ADGRE1: variants seen among roughly 807,000 people sequenced by gnomAD.
The protein encoded by ADGRE1 is EGF-like module receptor 1.
A neutral mutation model predicts 102.7 loss-of-function variants in ADGRE1; 82 were observed. The ratio of observed to expected loss-of-function variants is 0.80; its 90% CI spans 0.67 to 0.96. ADGRE1 has a LOEUF of 0.96. Ranked by LOEUF, ADGRE1 falls within the 40% of genes least tolerant of loss-of-function variation. The pLI is 0.00. For synonymous variants in ADGRE1, 398 were observed against 399.6 expected (o/e 1.00, Z 0.05); for missense variants, 1,032 against 1,085.3 (o/e 0.95, Z 0.69).
At chr19:6,924,642 C>T (rs1279021822) in intron 14 of ADGRE1, 36 bp from the exon 15 acceptor site, 21 of 1,588,518 alleles carry the variant, frequency 1.3e-5, no homozygotes, top group East Asian at 2.2e-5. Flanking sequence ...ATTTTGATCC[C>T]ATTCTCAGGC....
intron 9 of ADGRE1, 63 bp downstream of exon 9, chr19:6,906,584 T>C: frequency 6.7e-7 from 1 of 1,491,912 alleles, no homozygotes; most frequent in African/African-American, 1.4e-5. Flanking sequence ...GGTAGAATGT[T>C]GTTTTTGCAG....
At chr19:6,912,485 C>T (rs553920177) in intron 10 of ADGRE1, among the ~76,000 whole-genome samples, 1 of 152,282 alleles carries the variant, frequency 6.6e-6, no homozygotes, top group South Asian at 2.1e-4. Context: ...AGAGCAATAC[C>T]TGGCTCGTAA....
rs540733266 is a variant in ADGRE1, at chr19:6,903,026, G to A, written c.662-784G>A. Among the ~76,000 whole-genome samples the A allele has an allele frequency of 9.2e-5, 14 of 152,388 alleles. 1 individual carries two copies. The South Asian group carries it at 2.9e-3, about 32-fold the overall frequency. On this transcript the variant is annotated intron_variant, in intron 6 of 20. Transcript: ENST00000312053. ...AGAAAACAGCTTTATTGAAGAGGCAGTGTTGCAGTTCTGTAAGTGTTACAG... is the reference window on the plus strand; with the variant it reads ...AGAAAACAGCTTTATTGAAGAGGCAATGTTGCAGTTCTGTAAGTGTTACAG...
chr19:6,932,095 C>T (rs1027956544), intron 17 of ADGRE1, among the ~76,000 whole-genome samples: 1 of 152,170 alleles, frequency 6.6e-6, no homozygotes, highest in Non-Finnish European at 1.5e-5. Flanking sequence ...GTTGGATGGG[C>T]AAGCCCTAGG....
chr19:6,916,152 C>T, intron 11 of ADGRE1, 97 bp from the exon 12 acceptor site: 1 of 1,380,030 alleles, frequency 7.2e-7, no homozygotes, highest in Non-Finnish European at 9.9e-7. Flanking sequence ...TTTTCCTTTG[C>T]TCGCCATGAT....
chr19:6,895,729 C>G (rs141109514), intron 2 of ADGRE1: 1 of 152,198 alleles, frequency 6.6e-6, no homozygotes, highest in Non-Finnish European at 1.5e-5. Context: ...CACACATCAC[C>G]TGGGATCTTG....
intron 2 of ADGRE1, among the ~76,000 whole-genome samples, chr19:6,894,346 T>G (rs146293372): frequency 2.0e-4 from 31 of 152,192 alleles, no homozygotes; most frequent in Non-Finnish European, 4.1e-4. Flanking sequence ...AAGGTGGCCA[T>G]GAAGGAGCAA....
At chr19:6,930,805 T>C (rs1975107806) in intron 17 of ADGRE1, among the ~76,000 whole-genome samples, 1 of 151,922 alleles carries the variant, frequency 6.6e-6, no homozygotes, top group African/African-American at 2.4e-5. Flanking sequence ...GCCCAGCTAA[T>C]TTTTTGTATT....
chr19:6,895,320 G>T (rs1973511194), intron 2 of ADGRE1: 1 of 152,258 alleles, frequency 6.6e-6, no homozygotes, highest in African/African-American at 2.4e-5. Flanking sequence ...ACAGCTAGCT[G>T]CAAGAGAAGC....
In ADGRE1 at chr19:6,921,752, A is replaced by T; in HGVS notation, c.1660A>T (p.Ser554Cys). The part of the protein sequence containing the change: ...KFERPICVSW[S>C]TDVKGGRWTS... Reference sequence around the variant, plus strand: ...TGAGAGGCCCATCTGTGTTTCCTGGAGCACTGATGTGAAGGGTGGAAGATG... The same window carrying T: ...TGAGAGGCCCATCTGTGTTTCCTGGTGCACTGATGTGAAGGGTGGAAGATG... Residue 554 changes from serine (S) to cysteine (C), a missense_variant, in exon 14 of 21, where the codon AGC (serine) becomes TGC (cysteine). Coordinates refer to ENST00000312053, the MANE Select transcript of ADGRE1 (RefSeq NM_001974.5). The T allele has an allele frequency of 6.2e-7, 1 of 1,613,404 alleles. No homozygotes were observed. Among genetic ancestry groups the T allele is most frequent in the Middle Eastern group, 1.7e-4 (1 of 6,058 alleles).
intron 14 of ADGRE1, among the ~76,000 whole-genome samples, chr19:6,922,410 T>C (rs1599753413): frequency 6.6e-6 from 1 of 151,330 alleles, no homozygotes; most frequent in East Asian, 2.0e-4. Flanking sequence ...GGTCAAGAGA[T>C]CGAGACCATC....
At chr19:6,925,094 G>A (rs557490157) in intron 15 of ADGRE1, among the ~76,000 whole-genome samples, 2 of 152,074 alleles carry the variant, frequency 1.3e-5, no homozygotes, top group Non-Finnish European at 2.9e-5. Flanking sequence ...GAATTATAGT[G>A]GTTCCTCCTA....
chr19:6,925,757 A>G (rs1290436700), intron 15 of ADGRE1, among the ~76,000 whole-genome samples: 2 of 151,752 alleles, frequency 1.3e-5, no homozygotes, highest in African/African-American at 4.8e-5. Flanking sequence ...GCTAGAGTGC[A>G]GTGGCCGAAT....
intron 6 of ADGRE1, 81 bp downstream of exon 6, chr19:6,902,102 T>G: frequency 3.2e-6 from 5 of 1,540,906 alleles, no homozygotes; most frequent in South Asian, 1.2e-5. Context: ...TGGGTCTTGG[T>G]TGAGTTTGAG....
intron 6 of ADGRE1, among the ~76,000 whole-genome samples, chr19:6,903,230 T>A (rs1973834220): frequency 6.6e-6 from 1 of 152,156 alleles, no homozygotes; most frequent in South Asian, 2.1e-4. Context: ...GGGCAGTAAC[T>A]CCCCAATATT....
At chr19:6,920,914 T>C (rs1176088097) in intron 13 of ADGRE1, among the ~76,000 whole-genome samples, 2 of 152,194 alleles carry the variant, frequency 1.3e-5, no homozygotes, top group Non-Finnish European at 2.9e-5. Flanking sequence ...CTATGATCTC[T>C]TTTTGGGGGA....
rs1478271221 is a variant in ADGRE1 at position 6,904,303 on chromosome 19, CT to C, written c.949+126del. ...GTTGCCTCATCCACATATTCTGTTT[CT>C]TTTTCTTCTTCATCCATTTACTCTT... On this transcript the variant is annotated intron_variant, in intron 8 of 20. Coordinates refer to ENST00000312053, the MANE Select transcript of ADGRE1 (RefSeq NM_001974.5). 5.5e-6 allele frequency: 7 copies of C among 1,263,276 alleles called. No individual in the cohort carries two copies. The African/African-American group carries it at 1.1e-4, about 19-fold the overall frequency. The allele number at this position is 1,263,276 out of a possible 1,614,324, so 78.3% of individuals were successfully genotyped here.
chr19:6,894,250 C>T (rs1211522657), intron 2 of ADGRE1, among the ~76,000 whole-genome samples: 1 of 152,158 alleles, frequency 6.6e-6, no homozygotes, highest in Non-Finnish European at 1.5e-5. Flanking sequence ...ACAAGGATGA[C>T]AGCAGCAAGT....
intron 9 of ADGRE1, among the ~76,000 whole-genome samples, chr19:6,907,616 A>G (rs1974016431): frequency 6.6e-6 from 1 of 152,142 alleles, no homozygotes; most frequent in African/African-American, 2.4e-5. Flanking sequence ...CTGGGATTAC[A>G]GGTGTGAGCA....
Sources: gnomAD v4.1 joint callset for allele counts (sites outside exome capture counted in the v4.1 genomes callset) on GRCh38, gnomAD v4.1.1 for gene constraint, MANE v1.5 for transcripts, NCBI Gene and HGNC (gene_info 2026-07-23, HGNC 2026-07-21) for gene names.